The following ELK3 variants were observed in gnomAD, a reference collection of about 807,000 sequenced individuals.
The protein encoded by ELK3 is ETS domain-containing protein Elk-3.
A neutral mutation model predicts 28.9 loss-of-function variants in ELK3; 10 were observed. The ratio of observed to expected loss-of-function variants is 0.35; its 90% CI spans 0.21 to 0.59. ELK3 has a LOEUF of 0.59. Among genes scored for constraint, ELK3 ranks in the 20% least tolerant of loss-of-function variants. The probability of loss-of-function intolerance (pLI) is 0.82; values close to 1 mark genes in which losing one functional copy is unlikely to be tolerated. For synonymous variants in ELK3, 272 were observed against 243.5 expected (o/e 1.12, Z -1.09); for missense variants, 463 against 517.3 (o/e 0.90, Z 1.02).
At chr12:96,196,335 C>T (rs1592947795) in intron 1 of ELK3, among the ~76,000 whole-genome samples, 1 of 151,942 alleles carries the variant, frequency 6.6e-6, no homozygotes, top group African/African-American at 2.4e-5. Context: ...GTTTTTCTTT[C>T]CCGCGTGTGT....
intron 1 of ELK3, among the ~76,000 whole-genome samples, chr12:96,195,130 G>C (rs1951454330): frequency 1.3e-5 from 2 of 152,172 alleles, no homozygotes; most frequent in South Asian, 4.1e-4. Context: ...GGAGCAGGCT[G>C]AGTGCCTGGA....
intron 1 of ELK3, among the ~76,000 whole-genome samples, chr12:96,207,191 C>A (rs755842247): frequency 6.6e-6 from 1 of 152,202 alleles, no homozygotes; most frequent in Non-Finnish European, 1.5e-5. Context: ...TTTACCTTAA[C>A]ACCACTGTGT....
At chr12:96,257,875 A>ATGACAT (rs1401595365) in intron 3 of ELK3, among the ~76,000 whole-genome samples, 4 of 152,258 alleles carry the variant, frequency 2.6e-5, no homozygotes, top group African/African-American at 9.6e-5. Context: ...AAGTACGTTT[A>ATGACAT]GTAAGTATGT....
chr12:96,221,057 C>T (rs189703419), intron 1 of ELK3, among the ~76,000 whole-genome samples: 6 of 152,292 alleles, frequency 3.9e-5, no homozygotes, highest in African/African-American at 1.4e-4. Flanking sequence ...GATGCTGTCA[C>T]TTTCCCGTGT....
intron 2 of ELK3, among the ~76,000 whole-genome samples, chr12:96,231,120 C>A (rs1171654901): frequency 6.6e-6 from 1 of 152,182 alleles, no homozygotes; most frequent in Non-Finnish European, 1.5e-5. Context: ...TTTTACACTT[C>A]CTCTCTGTCA....
At chr12:96,246,834 C>A in intron 2 of ELK3, 106 bp from the exon 3 acceptor site, 1 of 1,185,962 alleles carries the variant, frequency 8.4e-7, no homozygotes, top group Non-Finnish European at 1.2e-6. Flanking sequence ...GAATGTAAAT[C>A]AGGAACATTT....
intron 4 of ELK3, among the ~76,000 whole-genome samples, chr12:96,262,596 G>T (rs776683978): frequency 2.0e-5 from 3 of 152,030 alleles, no homozygotes; most frequent in Non-Finnish European, 2.9e-5. Context: ...CTGGATCCAG[G>T]AGACTAAGGA....
intron 4 of ELK3, among the ~76,000 whole-genome samples, chr12:96,261,207 C>T (rs1726500743): frequency 6.6e-6 from 1 of 152,152 alleles, no homozygotes; most frequent in Non-Finnish European, 1.5e-5. Flanking sequence ...TTTTGATTGC[C>T]ATCTTGCTTC....
chr12:96,264,919 A>ACT, intron 4 of ELK3, among the ~76,000 whole-genome samples: 1 of 152,358 alleles, frequency 6.6e-6, no homozygotes, highest in South Asian at 2.1e-4. Flanking sequence ...GAGATAAGAA[A>ACT]CTAAGGCACA....
Position 96,247,152 on chromosome 12 carries a change from A to G in ELK3, c.420A>G (p.Ser140=). ...CGAGCCGCAACGAATACATCCACTCAGGCCTGTACTCGTCCTTCACCATTA... is the reference window on the plus strand; with the variant it reads ...CGAGCCGCAACGAATACATCCACTCGGGCCTGTACTCGTCCTTCACCATTA... ...RSTSRNEYIH[S]GLYSSFTINS... The change falls in exon 3 of 5, where the codon TCA becomes TCG. Residue 140 remains serine, a synonymous_variant. Transcript: ENST00000228741. This position sits in a 1 kb window ranked among gnomAD's most constrained non-coding sequence, Gnocchi z 5.5. 1.9e-6 allele frequency: 3 copies of G among 1,614,062 alleles called. No individual in the cohort carries two copies. Among genetic ancestry groups the G allele is most frequent in the Non-Finnish European group, 2.5e-6 (3 of 1,179,958 alleles).
intron 4 of ELK3, among the ~76,000 whole-genome samples, chr12:96,266,686 TAA>T (rs1487305096): frequency 2.7e-4 from 41 of 152,206 alleles, no homozygotes; most frequent in Admixed American, 2.7e-3. Flanking sequence ...GACTCACATG[TAA>T]AGAGTCTATG....
At chr12:96,251,661 G>A (rs1303111669) in intron 3 of ELK3, among the ~76,000 whole-genome samples, 3 of 152,178 alleles carry the variant, frequency 2.0e-5, no homozygotes, top group Non-Finnish European at 4.4e-5. Flanking sequence ...TTGATATGGA[G>A]AAAGTTTTAG....
At chr12:96,206,049 T>C (rs988328206) in intron 1 of ELK3, among the ~76,000 whole-genome samples, 1 of 152,192 alleles carries the variant, frequency 6.6e-6, no homozygotes, top group Non-Finnish European at 1.5e-5. Flanking sequence ...CTCAAAGGAT[T>C]GGGGGTCACG....
At chr12:96,199,918 ACT>A (rs1156593870) in intron 1 of ELK3, among the ~76,000 whole-genome samples, 1 of 152,156 alleles carries the variant, frequency 6.6e-6, no homozygotes, top group Non-Finnish European at 1.5e-5. Flanking sequence ...TTACTCACAC[ACT>A]CTAAAACAAG....
At position 96,259,828 on chromosome 12, in the gene ELK3, T is replaced by C. The variant is rs759631190; in HGVS notation, c.1100T>C (p.Leu367Pro). 1.9e-6 allele frequency: 3 copies of C among 1,606,864 alleles called. No homozygotes were observed. In the Admixed American group the frequency reaches 5.0e-5, roughly 27 times the overall value. The change falls in exon 4 of 5, where the codon CTG becomes CCG. Residue 367 changes from leucine to proline, a missense_variant. By Grantham distance (98) the Leu-to-Pro change is moderately conservative (BLOSUM62 -3). Coordinates refer to ENST00000228741, the MANE Select transcript of ELK3 (RefSeq NM_005230.4). ...SPVAPLSPAR[L>P]QGPSTLFQFP... The stretch of plus-strand genomic sequence containing the variant: ...GTTGCTCCGCTGAGTCCTGCCAGGC[T>C]GCAAGGGCCAAGCACGCTGTTCCAG...
intron 2 of ELK3, among the ~76,000 whole-genome samples, chr12:96,234,492 A>AC (rs1186285372): frequency 6.6e-6 from 1 of 151,350 alleles, no homozygotes; most frequent in African/African-American, 2.4e-5. Flanking sequence ...AGCACCCACC[A>AC]CCCGCCGTCC....
At chr12:96,197,627 A>G (rs916186226) in intron 1 of ELK3, among the ~76,000 whole-genome samples, 4 of 152,180 alleles carry the variant, frequency 2.6e-5, no homozygotes, top group African/African-American at 9.7e-5. Context: ...GAATTAGGCC[A>G]TCCATCTCTG....
rs1303416583 is a variant in ELK3 at position 96,199,169 on chromosome 12, TG to T, written c.-3+4465del. Among the ~76,000 whole-genome samples the T allele has an allele frequency of 5.3e-5, 8 of 152,142 alleles. 1 individual carries two copies. The highest frequency in any genetic ancestry group is 1.2e-4 in the Non-Finnish European group (8 of 68,028). ...AACAGGAAGTACAGGGCACTACACA[TG>T]AAAATAGAATGTTAAATGATGAAGA... On this transcript the variant is annotated intron_variant, in intron 1 of 4. Transcript: ENST00000228741.
chr12:96,263,058 A>G (rs1952005658), intron 4 of ELK3, among the ~76,000 whole-genome samples: 1 of 152,238 alleles, frequency 6.6e-6, no homozygotes, highest in Admixed American at 6.5e-5. Flanking sequence ...TTTGGCTTAC[A>G]CATTTTAAAT....
Sources: allele counts gnomAD v4.1 joint callset (sites outside exome capture counted in the v4.1 genomes callset), GRCh38; gene constraint gnomAD v4.1.1; non-coding constraint Gnocchi (gnomAD v3.1); transcripts MANE v1.5; gene names NCBI Gene and HGNC (gene_info 2026-07-23, HGNC 2026-07-21).